The following DAB1 variants were observed in gnomAD, a reference collection of about 807,000 sequenced individuals.
DAB1 encodes the protein DAB adaptor protein 1, also known as disabled homolog 1.
DAB1 carries 15 observed loss-of-function variants against 64.6 expected under a neutral mutation model. The observed-to-expected ratio is 0.23, with a 90% CI of 0.16 to 0.36. The LOEUF (loss-of-function observed/expected upper bound fraction) is 0.36, where lower values mean the gene tolerates loss of function less well. Ranked by LOEUF, DAB1 falls within the 10% of genes least tolerant of loss-of-function variation. DAB1 has a pLI of 1.00. For missense variants in DAB1, 596 were observed against 706.7 expected (o/e 0.84, Z 1.78); for synonymous variants, 235 against 251.9 (o/e 0.93, Z 0.64).
At chr1:57,358,279 C>T (rs12565636) in intron 1 of DAB1, among the ~76,000 whole-genome samples, 75,918 of 151,748 alleles carry the variant, frequency 0.5, 19,708 homozygotes, top group African/African-American at 0.55. Context: ...ATATTAGTTG[C>T]GGGTCCTTCT....
intron 2 of DAB1, among the ~76,000 whole-genome samples, chr1:57,257,970 T>A (rs1448874030): frequency 1.3e-5 from 2 of 152,330 alleles, no homozygotes; most frequent in South Asian, 4.1e-4. Context: ...TAATCACACC[T>A]GCAATATCCC....
intron 9 of DAB1, among the ~76,000 whole-genome samples, chr1:57,043,328 T>C (rs1243219529): frequency 6.6e-6 from 1 of 152,180 alleles, no homozygotes; most frequent in Middle Eastern, 3.2e-3. Flanking sequence ...GGCCACCAAC[T>C]CACACCTAGA....
At chr1:57,544,008 T>A (rs1423834565) in intron 7 of DAB1, among the ~76,000 whole-genome samples, 1 of 152,100 alleles carries the variant, frequency 6.6e-6, no homozygotes, top group Non-Finnish European at 1.5e-5. Context: ...TTCAGGAGGC[T>A]GAGGTGGGAG....
At chr1:57,003,068 A>G (rs564050355) in intron 14 of DAB1, among the ~76,000 whole-genome samples, 2 of 152,278 alleles carry the variant, frequency 1.3e-5, no homozygotes, top group South Asian at 4.1e-4. Flanking sequence ...TTCATAGCAC[A>G]TAGGTGCAAT....
intron 2 of DAB1, among the ~76,000 whole-genome samples, chr1:57,229,015 AG>A (rs1667475709): frequency 6.6e-6 from 1 of 152,198 alleles, no homozygotes; most frequent in African/African-American, 2.4e-5. Context: ...ATTTTTATAA[AG>A]TTCCAAAATA....
chr1:57,303,522 T>C (rs1055803947), intron 1 of DAB1, among the ~76,000 whole-genome samples: 2 of 152,154 alleles, frequency 1.3e-5, no homozygotes, highest in Non-Finnish European at 2.9e-5. Context: ...TTTGAATTTG[T>C]CAGTTCAGAC....
intron 4 of DAB1, among the ~76,000 whole-genome samples, chr1:58,216,869 C>A (rs1314304162): frequency 6.6e-6 from 1 of 152,176 alleles, no homozygotes; most frequent in South Asian, 2.1e-4. Context: ...GAAACTGACA[C>A]TGAAAAGATA....
intron 4 of DAB1, among the ~76,000 whole-genome samples, chr1:57,106,509 A>G (rs1365265755): frequency 6.6e-6 from 1 of 152,120 alleles, no homozygotes; most frequent in African/African-American, 2.4e-5. Flanking sequence ...ATCAGTCCCA[A>G]AGGGATCCAG....
At chr1:58,127,352 G>C (rs1279733220) in intron 5 of DAB1, among the ~76,000 whole-genome samples, 1 of 151,986 alleles carries the variant, frequency 6.6e-6, no homozygotes, top group African/African-American at 2.4e-5. Context: ...GTAGATTCTG[G>C]ATATTAGCCC....
chr1:57,548,941 C>G (rs891826439), intron 7 of DAB1, among the ~76,000 whole-genome samples: 1 of 152,192 alleles, frequency 6.6e-6, no homozygotes, highest in African/African-American at 2.4e-5. Context: ...TTATCATCTG[C>G]ATTTTATTCT....
chr1:58,051,232 T>C (rs1336684664), intron 5 of DAB1, among the ~76,000 whole-genome samples: 2 of 151,426 alleles, frequency 1.3e-5, no homozygotes, highest in East Asian at 2.0e-4. Flanking sequence ...CAGTATATGA[T>C]GTTCCCTGCC....
intron 5 of DAB1, among the ~76,000 whole-genome samples, chr1:57,993,509 AGC>A (rs1646379100): frequency 6.6e-6 from 1 of 152,190 alleles, no homozygotes; most frequent in African/African-American, 2.4e-5. Context: ...TTTTGTCGAA[AGC>A]TCCCCATGAC....
chr1:57,219,270 C>CACACAT (rs752029788), intron 2 of DAB1, among the ~76,000 whole-genome samples: 1 of 61,160 alleles, frequency 1.6e-5, no homozygotes, highest in East Asian at 2.8e-4. Context: ...TTTCAACACA[C>CACACAT]ACACACACAC....
chr1:57,599,491 C>A (rs978380109), intron 7 of DAB1, among the ~76,000 whole-genome samples: 3 of 152,008 alleles, frequency 2.0e-5, no homozygotes, highest in African/African-American at 7.2e-5. Flanking sequence ...CAGCTCTCCC[C>A]ACGTGGGACC....
intron 4 of DAB1, among the ~76,000 whole-genome samples, chr1:58,201,135 G>C (rs2100263738): frequency 6.6e-6 from 1 of 151,696 alleles, no homozygotes; most frequent in Middle Eastern, 3.4e-3. Context: ...TCCTGCCTCA[G>C]CCTCCCGAGT....
intron 1 of DAB1, among the ~76,000 whole-genome samples, chr1:57,315,526 G>A (rs1307992604): frequency 2.6e-5 from 4 of 152,014 alleles, no homozygotes; most frequent in Non-Finnish European, 5.9e-5. Context: ...TTTCTGCGAC[G>A]GAGTCTCGCT....
intron 2 of DAB1, among the ~76,000 whole-genome samples, chr1:57,241,829 T>C (rs1668516280): frequency 1.3e-5 from 2 of 152,172 alleles, no homozygotes; most frequent in South Asian, 2.1e-4. Flanking sequence ...CAAACACTTA[T>C]CGTTCATATG....
chr1:58,168,400 T>C (rs1191292905), intron 4 of DAB1, among the ~76,000 whole-genome samples: 1 of 152,150 alleles, frequency 6.6e-6, no homozygotes, highest in Non-Finnish European at 1.5e-5. Flanking sequence ...CTATGCTATC[T>C]ATCCTGACAC....
intron 2 of DAB1, among the ~76,000 whole-genome samples, chr1:57,235,859 TTGCTGCAGTC>T (rs1668052116): frequency 6.6e-6 from 1 of 152,242 alleles, no homozygotes; most frequent in Admixed American, 6.5e-5. Flanking sequence ...GCATCCCACC[TTGCTGCAGTC>T]TGCATAGCTC....
Sources: allele counts gnomAD v4.1 joint callset (sites outside exome capture counted in the v4.1 genomes callset), GRCh38; gene constraint gnomAD v4.1.1; transcripts MANE v1.5; gene names NCBI Gene and HGNC (gene_info 2026-07-23, HGNC 2026-07-21).